Variants in SLC12A6 observed in about 807,000 individuals in gnomAD.
The protein encoded by SLC12A6 is K-Cl cotransporter 3.
In SLC12A6, 66 loss-of-function variants were observed where a neutral mutation model predicts 135.3. The ratio of observed to expected loss-of-function variants is 0.49; its 90% confidence interval spans 0.40 to 0.60. SLC12A6 has a LOEUF of 0.60. Among genes scored for constraint, SLC12A6 ranks in the 20% least tolerant of loss-of-function variants. The probability of loss-of-function intolerance (pLI) is 0.00; values close to 1 mark genes in which losing one functional copy is unlikely to be tolerated. For synonymous variants in SLC12A6, 513 were observed against 508.8 expected (o/e 1.01, Z -0.11); for missense variants, 1,058 against 1,452.3 (o/e 0.73, Z 4.41).
chr15:34,238,270 T>TCC lies in SLC12A6; in HGVS notation c.2762_2763dup (p.Met922GlyfsTer10), dbSNP rs1566801101. 6.2e-7 allele frequency: 1 copy of TCC among 1,613,640 alleles called. No homozygotes were observed. The stretch of plus-strand genomic sequence containing the variant: ...AGTAGGAATGGTAGTAGCATAAGCA[T>TCC]CCCCCCATCATGCACAATCCACCAC... On this transcript the variant is annotated frameshift_variant, in exon 21 of 26. Coordinates refer to ENST00000354181, the MANE Select transcript of SLC12A6 (RefSeq NM_001365088.1). LOFTEE classifies it high-confidence loss of function.
At chr15:34,264,858 A>C (rs993593663) in intron 3 of SLC12A6, among the ~76,000 whole-genome samples, 6 of 152,196 alleles carry the variant, frequency 3.9e-5, no homozygotes, top group African/African-American at 1.4e-4. Flanking sequence ...TAAATAGAAA[A>C]ATGTAATTCT....
intron 18 of SLC12A6, 108 bp from the exon 19 acceptor site, chr15:34,240,937 A>C (rs1891601193): frequency 1.2e-6 from 1 of 869,306 alleles, no homozygotes; most frequent in Non-Finnish European, 1.9e-6. Flanking sequence ...TGAAACAGGT[A>C]ATTTGACAGA....
intron 15 of SLC12A6, among the ~76,000 whole-genome samples, chr15:34,244,871 G>A (rs1891879840): frequency 6.6e-6 from 1 of 152,132 alleles, no homozygotes; most frequent in South Asian, 2.1e-4. Context: ...CACTCATCAC[G>A]CTATATGGGA....
At chr15:34,240,575 A>C in intron 19 of SLC12A6, 86 bp downstream of exon 19, 10 of 1,161,484 alleles carry the variant, frequency 8.6e-6, no homozygotes, top group Non-Finnish European at 1.3e-5. Context: ...CTCAGGAACA[A>C]GATTCAAGTA....
At chr15:34,312,208 G>T (rs943199446) in intron 2 of SLC12A6, among the ~76,000 whole-genome samples, 5 of 152,182 alleles carry the variant, frequency 3.3e-5, no homozygotes, top group Non-Finnish European at 7.3e-5. Context: ...ATAATTAGTA[G>T]GACTGGGATT....
intron 2 of SLC12A6, among the ~76,000 whole-genome samples, chr15:34,333,151 T>TA (rs1279048655): frequency 6.6e-6 from 1 of 152,146 alleles, no homozygotes; most frequent in Non-Finnish European, 1.5e-5. Flanking sequence ...ATAAAAGTGA[T>TA]ACACTATAAA....
rs545424009 is a variant in SLC12A6 at position 34,275,101 on chromosome 15, A to AT, written c.316+243dup. The stretch of plus-strand genomic sequence containing the variant: ...ATCTTTAAAAAATTCTAGTTCTTAG[A>AT]TTTTTTTTAACCATAAACCATGCAA... On this transcript the variant is annotated intron_variant, in intron 3 of 25. Transcript: ENST00000354181. 3.3e-5 allele frequency among the ~76,000 whole-genome samples: 5 copies of AT among 152,228 alleles called. No homozygotes were observed. The East Asian group carries it at 5.8e-4, about 18-fold the overall frequency.
chr15:34,263,693 T>C (rs1237986654), intron 3 of SLC12A6, among the ~76,000 whole-genome samples: 1 of 151,866 alleles, frequency 6.6e-6, no homozygotes, highest in African/African-American at 2.4e-5. Context: ...AAAGCCAAGA[T>C]TTTCAATACT....
intron 2 of SLC12A6, among the ~76,000 whole-genome samples, chr15:34,305,819 G>A (rs1006519507): frequency 4.1e-5 from 6 of 147,932 alleles, no homozygotes; most frequent in African/African-American, 1.5e-4. Context: ...AGGGAGTGGC[G>A]CGATCTCGGC....
At chr15:34,310,174 A>AGTGTGTGTGT (rs60783164) in intron 2 of SLC12A6, among the ~76,000 whole-genome samples, 2,440 of 127,760 alleles carry the variant, frequency 0.019, 110 homozygotes, top group African/African-American at 0.05. Context: ...ACGCCCAGCT[A>AGTGTGTGTGT]GTGTGTGTGT....
intron 2 of SLC12A6, among the ~76,000 whole-genome samples, chr15:34,322,381 A>C (rs1350664572): frequency 4.6e-5 from 7 of 152,072 alleles, no homozygotes; most frequent in Non-Finnish European, 1.0e-4. Context: ...TATCTCGAAA[A>C]AAAAACAAAA....
Position 34,229,945 on chromosome 15 carries a change from A to T in SLC12A6, c.*3936T>A. ...TGGTGGGGTGACAGGTCCTAGAAGGACAATGTGCATATTACGACAAACACA... is the reference window on the plus strand; with the variant it reads ...TGGTGGGGTGACAGGTCCTAGAAGGTCAATGTGCATATTACGACAAACACA... On this transcript the variant is annotated 3_prime_UTR_variant, in exon 26 of 26. Transcript: ENST00000354181. 1 of 706,384 alleles carries T rather than the reference A, an allele frequency of 1.4e-6. No homozygotes were observed. Among genetic ancestry groups the T allele is most frequent in the East Asian group, 2.7e-5 (1 of 37,332 alleles). The allele number at this position is 706,384 out of a possible 1,614,324, so 43.8% of individuals were successfully genotyped here. A position where few individuals can be genotyped will look rare whatever the true frequency, so the allele number is the denominator to read the frequency against.
In SLC12A6 at chr15:34,300,420, A is replaced by T. The variant is rs980118175; in HGVS notation, c.272-25031T>A. ...AGTACAACATTGTTGGAAATGATGAATTTATGGTGGTATCAGTTTTCATGG... is the reference window on the plus strand; with the variant it reads ...AGTACAACATTGTTGGAAATGATGATTTTATGGTGGTATCAGTTTTCATGG... On this transcript the variant is annotated intron_variant, in intron 2 of 25. Transcript: ENST00000354181. 5.9e-5 allele frequency among the ~76,000 whole-genome samples: 9 copies of T among 152,112 alleles called. 1 individual carries two copies. The South Asian group carries it at 6.2e-4, about 11-fold the overall frequency.
chr15:34,293,785 G>T (rs1895701279), intron 2 of SLC12A6, among the ~76,000 whole-genome samples: 2 of 151,594 alleles, frequency 1.3e-5, no homozygotes, highest in African/African-American at 4.8e-5. Flanking sequence ...ATGTTTTTTT[G>T]TAGAGACAAG....
At chr15:34,235,143 A>AT (rs781655653) in intron 25 of SLC12A6, 38 bp downstream of exon 25, 2 of 1,594,312 alleles carry the variant, frequency 1.3e-6, no homozygotes, top group Non-Finnish European at 1.7e-6. Flanking sequence ...GGTTAAGGAG[A>AT]TTTTCCCTAC....
Position 34,257,660 on chromosome 15 carries a change from G to A in SLC12A6, c.672C>T (p.Val224=). 6.2e-7 allele frequency: 1 copy of A among 1,613,612 alleles called. No homozygotes were observed. The highest frequency in any genetic ancestry group is 8.5e-7 in the Non-Finnish European group (1 of 1,179,640). ...TACTTACACAGCAGCAGCAGATAAG[G>A]ACAATTGCAAAAGCCTGAAGAACTC... ...TAGVLQAFAI[V]LICCCCTMLT... Residue 224 remains valine, a synonymous_variant, in exon 6 of 26, where the codon GTC becomes GTT. Transcript: ENST00000354181.
chr15:34,237,934 A>G (rs1767917089), intron 21 of SLC12A6, among the ~76,000 whole-genome samples: 1 of 152,244 alleles, frequency 6.6e-6, no homozygotes, highest in South Asian at 2.1e-4. Context: ...ACACATATAC[A>G]TATACCTTAA....
intron 16 of SLC12A6, 51 bp from the exon 17 acceptor site, chr15:34,242,272 C>T: frequency 7.0e-7 from 1 of 1,424,238 alleles, no homozygotes; most frequent in South Asian, 1.2e-5. Flanking sequence ...GAAAAAGAAG[C>T]CTATGTTAAA....
intron 2 of SLC12A6, among the ~76,000 whole-genome samples, chr15:34,283,012 T>C (rs1894788877): frequency 6.6e-6 from 1 of 152,184 alleles, no homozygotes; most frequent in Non-Finnish European, 1.5e-5. Context: ...AAGAAAAAGT[T>C]CCTTTTGTCA....
Sources: gnomAD v4.1 joint callset for allele counts (sites outside exome capture counted in the v4.1 genomes callset) on GRCh38, gnomAD v4.1.1 for gene constraint, MANE v1.5 for transcripts, NCBI Gene and HGNC (gene_info 2026-07-23, HGNC 2026-07-21) for gene names.